The following SLCO3A1 variants were observed in gnomAD, a reference collection of about 807,000 sequenced individuals.
SLCO3A1 encodes PGE1 transporter.
A neutral mutation model predicts 63.1 loss-of-function variants in SLCO3A1; 27 were observed. That is an observed-to-expected ratio of 0.43 (90% CI 0.32 to 0.59). The LOEUF is 0.59. Ranked by LOEUF, SLCO3A1 falls within the 20% of genes least tolerant of loss-of-function variation. SLCO3A1 has a pLI of 0.09. For missense variants in SLCO3A1, 773 were observed against 945.8 expected, an observed-to-expected ratio of 0.82 and a Z score of 2.40; for synonymous variants, 473 against 409.9, an observed-to-expected ratio of 1.15 and a Z score of -1.86.
At chr15:92,028,320 C>G (rs1330632870) in intron 2 of SLCO3A1, among the ~76,000 whole-genome samples, 1 of 152,206 alleles carries the variant, frequency 6.6e-6, no homozygotes, top group Admixed American at 6.5e-5. Context: ...CCTCGGGAAG[C>G]CACAGCACCA....
chr15:91,861,798 A>ATT (rs926257044), intron 1 of SLCO3A1, among the ~76,000 whole-genome samples: 2 of 144,378 alleles, frequency 1.4e-5, no homozygotes, highest in African/African-American at 2.5e-5. Flanking sequence ...TAGTTTTCTT[A>ATT]TTTTTTTTTT....
chr15:92,088,413 T>C (rs1783724552), intron 2 of SLCO3A1, among the ~76,000 whole-genome samples: 1 of 152,242 alleles, frequency 6.6e-6, no homozygotes, highest in African/African-American at 2.4e-5. Context: ...CAATATTCCA[T>C]TCATGCATAT....
At chr15:91,940,271 G>C (rs948554972) in intron 2 of SLCO3A1, among the ~76,000 whole-genome samples, 1 of 152,046 alleles carries the variant, frequency 6.6e-6, no homozygotes, top group African/African-American at 2.4e-5. Context: ...CCTGATACCT[G>C]CCCTTTCTGA....
chr15:92,143,002 G>A (rs773405505), intron 7 of SLCO3A1, among the ~76,000 whole-genome samples: 20 of 151,930 alleles, frequency 1.3e-4, no homozygotes, highest in Admixed American at 6.6e-4. Flanking sequence ...GGGTTCTGGC[G>A]TCAGTCACTC....
At chr15:91,971,673 A>T (rs76339611) in intron 2 of SLCO3A1, among the ~76,000 whole-genome samples, 5,297 of 152,228 alleles carry the variant, frequency 0.035, 192 homozygotes, top group African/African-American at 0.088. Context: ...CTCCATGTTA[A>T]TGAATCAAAG....
chr15:92,099,523 C>T (rs150376257), intron 3 of SLCO3A1, among the ~76,000 whole-genome samples: 3 of 152,162 alleles, frequency 2.0e-5, no homozygotes, highest in Admixed American at 2.0e-4. Context: ...CCTCTTCTCA[C>T]AATCTCAAGT....
chr15:91,883,206 T>G lies in SLCO3A1; in HGVS notation c.180+29118T>G, dbSNP rs1897638852. On this transcript the variant is annotated intron_variant, in intron 1 of 9. Transcript: ENST00000318445. This position sits in a 1 kb window ranked among gnomAD's most constrained non-coding sequence, Gnocchi z 4.8. ...CTTCCCCTTTTTTAACAGCGGGCAGTAAGTGGTCTGGGTTTCACTTACATC... is the reference window on the plus strand; with the variant it reads ...CTTCCCCTTTTTTAACAGCGGGCAGGAAGTGGTCTGGGTTTCACTTACATC... Among the ~76,000 whole-genome samples the G allele has an allele frequency of 6.6e-6, 1 of 152,230 alleles. No homozygotes were observed. Among genetic ancestry groups the G allele is most frequent in the African/African-American group, 2.4e-5 (1 of 41,460 alleles).
Position 92,028,409 on chromosome 15 carries a change from G to A in SLCO3A1, c.647-66472G>A, listed in dbSNP as rs17695539. On this transcript the variant is annotated intron_variant, in intron 2 of 9. Coordinates refer to ENST00000318445, the MANE Select transcript of SLCO3A1 (RefSeq NM_013272.4). ...GCCCCTCAACATTTGCAGGATGTTC[G>A]CCACCATGCTTCACTCAGCAAAAGT... Among the ~76,000 whole-genome samples the A allele has an allele frequency of 7.3e-3, 1,105 of 152,238 alleles. 56 individuals are homozygous for A. Among genetic ancestry groups the A allele is most frequent in the Admixed American group, 0.062 (955 of 15,284 alleles).
At chr15:91,896,879 A>G (rs1471135056) in intron 1 of SLCO3A1, among the ~76,000 whole-genome samples, 2 of 152,222 alleles carry the variant, frequency 1.3e-5, no homozygotes, top group African/African-American at 4.8e-5. Context: ...TAAGAAAATA[A>G]TCCAAATGGT....
intron 8 of SLCO3A1, among the ~76,000 whole-genome samples, chr15:92,148,485 A>G (rs1180835612): frequency 6.6e-6 from 1 of 152,194 alleles, no homozygotes; most frequent in African/African-American, 2.4e-5. Context: ...GCATTAGGGT[A>G]TAATAGCAAA....
intron 1 of SLCO3A1, among the ~76,000 whole-genome samples, chr15:91,902,854 T>G (rs1284197144): frequency 6.6e-6 from 1 of 152,210 alleles, no homozygotes. Flanking sequence ...CTGCAAGACC[T>G]TCGGCAAATT....
At position 92,156,753 on chromosome 15, in the gene SLCO3A1, T is replaced by G. The variant is rs560209410; in HGVS notation, c.1753+5739T>G. ...GTAATTCCACCAGGTTGAATAGAGA[T>G]TCCATGGTGAATTCAAGTCTTGGCA... is the stretch of plus-strand genomic sequence containing the variant. On this transcript the variant is annotated intron_variant, in intron 9 of 9. Coordinates refer to ENST00000318445, the MANE Select transcript of SLCO3A1 (RefSeq NM_013272.4). Among the ~76,000 whole-genome samples, 5 of 152,338 alleles carry G rather than the reference T, an allele frequency of 3.3e-5. No individual in the cohort carries two copies. The East Asian group carries it at 9.6e-4, about 29-fold the overall frequency.
intron 2 of SLCO3A1, among the ~76,000 whole-genome samples, chr15:92,074,270 G>C (rs960054856): frequency 1.3e-5 from 2 of 152,162 alleles, no homozygotes; most frequent in Non-Finnish European, 2.9e-5. Context: ...CCCAGTTGCT[G>C]CCTGCCCATT....
intron 2 of SLCO3A1, among the ~76,000 whole-genome samples, chr15:91,973,862 T>C (rs76090203): frequency 0.04 from 6,100 of 152,278 alleles, 266 homozygotes; most frequent in African/African-American, 0.11. Flanking sequence ...GTTGGGAGCA[T>C]GTTATGGGCT....
chr15:91,880,405 C>CTGTGTGTGTGTGTGTGTGTGTGTGTG (rs1234294258), intron 1 of SLCO3A1, among the ~76,000 whole-genome samples: 17 of 142,378 alleles, frequency 1.2e-4, no homozygotes, highest in Admixed American at 3.5e-4. Context: ...CTCTCTCTCT[C>CTGTGTGTGTGTGTGTGTGTGTGTGTG]TCTCTGTGTG....
intron 2 of SLCO3A1, among the ~76,000 whole-genome samples, chr15:91,931,762 C>T (rs987111154): frequency 8.0e-5 from 12 of 149,382 alleles, no homozygotes; most frequent in East Asian, 2.1e-4. Context: ...TGAGCCACCG[C>T]GCCCGGCTGG....
At chr15:92,041,353 C>T (rs1283063325) in intron 2 of SLCO3A1, among the ~76,000 whole-genome samples, 2 of 152,132 alleles carry the variant, frequency 1.3e-5, no homozygotes, top group Non-Finnish European at 2.9e-5. Flanking sequence ...TCATATTTCC[C>T]AGCACAATAG....
intron 2 of SLCO3A1, among the ~76,000 whole-genome samples, chr15:91,964,713 C>G (rs1408676103): frequency 6.6e-6 from 1 of 151,792 alleles, no homozygotes; most frequent in South Asian, 2.1e-4. Context: ...CAGAAGCAAG[C>G]TGGGTACTAA....
chr15:92,158,729 T>C (rs140849187), intron 9 of SLCO3A1, among the ~76,000 whole-genome samples: 1,802 of 152,296 alleles, frequency 0.012, 21 homozygotes, highest in Non-Finnish European at 0.019. Flanking sequence ...ACTCATCAGG[T>C]GAGTTCCAGA....
Sources: allele counts gnomAD v4.1 joint callset (sites outside exome capture counted in the v4.1 genomes callset), GRCh38; gene constraint gnomAD v4.1.1; non-coding constraint Gnocchi (gnomAD v3.1); transcripts MANE v1.5; gene names NCBI Gene and HGNC (gene_info 2026-07-23, HGNC 2026-07-21).